The following SYNE1 variants were observed in gnomAD, a reference collection of about 807,000 sequenced individuals.
SYNE1 encodes the protein nesprin-1.
SYNE1 carries 616 observed loss-of-function variants against 1,111.0 expected under a neutral mutation model. The observed-to-expected ratio is 0.55, with a 90% confidence interval of 0.52 to 0.59. The LOEUF (loss-of-function observed/expected upper bound fraction) is 0.59. SYNE1 is among the 20% of genes least tolerant of loss of function. The pLI is 0.00. For synonymous variants in SYNE1, 3,855 were observed against 3,825.8 expected, an observed-to-expected ratio of 1.01 and a Z score of -0.28; for missense variants, 10,006 against 10,417.0, an observed-to-expected ratio of 0.96 and a Z score of 1.72.
intron 142 of SYNE1, chr6:152,133,804 T>G (rs1195738033): frequency 3.0e-6 from 1 of 337,624 alleles, no homozygotes; most frequent in Admixed American, 4.5e-5. Flanking sequence ...GCAAGTGAGA[T>G]GTAAGATAAT....
At chr6:152,247,758 C>CAT (rs2087734261) in intron 105 of SYNE1, among the ~76,000 whole-genome samples, 1 of 138,050 alleles carries the variant, frequency 7.2e-6, no homozygotes, top group Admixed American at 7.1e-5. Flanking sequence ...TATACACACA[C>CAT]ACACACACAC....
At chr6:152,351,809 T>G (rs1340998888) in intron 70 of SYNE1, among the ~76,000 whole-genome samples, 3 of 152,190 alleles carry the variant, frequency 2.0e-5, no homozygotes, top group Non-Finnish European at 2.9e-5. Context: ...TGATACAATC[T>G]TTGAGTATCA....
At chr6:152,399,884 T>C in intron 47 of SYNE1, 61 bp from the exon 48 acceptor site, 1 of 1,533,690 alleles carries the variant, frequency 6.5e-7, no homozygotes, top group Non-Finnish European at 9.0e-7. Context: ...CTCCATTTAC[T>C]TCACTATGGT....
At chr6:152,338,552 T>C (rs980267078) in intron 75 of SYNE1, among the ~76,000 whole-genome samples, 1 of 151,940 alleles carries the variant, frequency 6.6e-6, no homozygotes, top group African/African-American at 2.4e-5. Flanking sequence ...GCCCAGGAGG[T>C]TGAGGCTTCA....
intron 4 of SYNE1, among the ~76,000 whole-genome samples, chr6:152,527,938 C>T (rs1318528693): frequency 6.6e-6 from 1 of 152,150 alleles, no homozygotes; most frequent in Non-Finnish European, 1.5e-5. Context: ...AGGTGCTTTC[C>T]TTTTCCCTCC....
At chr6:152,518,463 G>GGCCATGTGACGTCCCTGCTCCC (rs1183040691) in intron 6 of SYNE1, among the ~76,000 whole-genome samples, 2 of 151,844 alleles carry the variant, frequency 1.3e-5, no homozygotes, top group African/African-American at 4.8e-5. Flanking sequence ...CTCCTGCTCT[G>GGCCATGTGACGTCCCTGCTCCC]GCCATGTGAC....
chr6:152,135,223 C>T lies in SYNE1; in HGVS notation c.25669G>A (p.Glu8557Lys), dbSNP rs1224270823. Reference sequence around the variant, plus strand: ...ATAAGAAGCAAACCATGGCTCATTTCATGGAAACCCTACAGAAAACAGTTT... The same window carrying T: ...ATAAGAAGCAAACCATGGCTCATTTTATGGAAACCCTACAGAAAACAGTTT... The part of the protein sequence containing the change: ...DALMQCQGFH[E>K]MSHGLLLMLE... Residue 8557 changes from glutamate to lysine, a missense_variant, in exon 142 of 146, where the codon GAA (glutamate) becomes AAA (lysine). Physicochemically the swap from Glu to Lys is moderately conservative, Grantham distance 56. Coordinates refer to ENST00000367255, the MANE Select transcript of SYNE1 (RefSeq NM_182961.4). 6.2e-7 allele frequency: 1 copy of T among 1,613,960 alleles called. No individual in the cohort carries two copies.
At chr6:152,533,931 G>A (rs890550981) in intron 4 of SYNE1, among the ~76,000 whole-genome samples, 6 of 152,084 alleles carry the variant, frequency 3.9e-5, no homozygotes, top group African/African-American at 9.7e-5. Context: ...GGCTGAGGTT[G>A]GTGAATTATT....
intron 137 of SYNE1, chr6:152,144,101 C>A: frequency 2.6e-6 from 1 of 378,430 alleles, no homozygotes; most frequent in Non-Finnish European, 5.1e-6. Flanking sequence ...TAAAAATCTG[C>A]AATGGTGTCT....
intron 4 of SYNE1, among the ~76,000 whole-genome samples, chr6:152,533,752 G>A (rs768304841): frequency 1.1e-4 from 16 of 152,120 alleles, no homozygotes; most frequent in Non-Finnish European, 2.2e-4. Context: ...TTCATAATGA[G>A]ATGGTTATTT....
Position 152,425,637 on chromosome 6 carries a change from G to T in SYNE1, c.5101-90C>A, listed in dbSNP as rs376614777. The T allele has an allele frequency of 5.6e-5, 82 of 1,474,228 alleles. No homozygotes were observed. The South Asian group carries it at 7.5e-4, about 14-fold the overall frequency. The allele number at this position is 1,474,228 out of a possible 1,614,324, so 91.3% of individuals were successfully genotyped here. On this transcript the variant is annotated intron_variant, in intron 38 of 145. Coordinates refer to ENST00000367255, the MANE Select transcript of SYNE1 (RefSeq NM_182961.4). The stretch of plus-strand genomic sequence containing the variant: ...CAGGCGGCTGTTGTCCAAAGGATTC[G>T]CATTCTTGCAAAATGCAAGTCATTC...
At chr6:152,541,747 C>CAAAAAAAAA (rs1267855271) in intron 3 of SYNE1, among the ~76,000 whole-genome samples, 3 of 60,286 alleles carry the variant, frequency 5.0e-5, no homozygotes, top group Non-Finnish European at 8.4e-5. Flanking sequence ...GACTCCATCT[C>CAAAAAAAAA]AAAAAAAAAA....
At chr6:152,232,324 C>G in intron 112 of SYNE1, 59 bp from the exon 113 acceptor site, 1 of 1,571,772 alleles carries the variant, frequency 6.4e-7, no homozygotes, top group South Asian at 1.1e-5. Flanking sequence ...CCAACTTCTG[C>G]TAACTTAAAA....
chr6:152,273,149 C>A (rs1223661812), intron 98 of SYNE1, among the ~76,000 whole-genome samples: 1 of 152,202 alleles, frequency 6.6e-6, no homozygotes, highest in Admixed American at 6.5e-5. Flanking sequence ...TTACACTTCA[C>A]CCAATGTGGG....
chr6:152,321,145 G>A (rs2095861110), intron 84 of SYNE1, 93 bp downstream of exon 84: 2 of 1,433,774 alleles, frequency 1.4e-6, no homozygotes, highest in South Asian at 2.5e-5. Flanking sequence ...CTGTCTCCAA[G>A]AAGACATTAT....
chr6:152,173,836 T>G (rs2065774457), intron 130 of SYNE1, among the ~76,000 whole-genome samples: 1 of 152,236 alleles, frequency 6.6e-6, no homozygotes, highest in Admixed American at 6.5e-5. Context: ...GTGACTATAG[T>G]GAGAAGCATG....
intron 3 of SYNE1, among the ~76,000 whole-genome samples, chr6:152,561,278 T>C (rs1355171718): frequency 6.6e-6 from 1 of 151,884 alleles, no homozygotes; most frequent in African/African-American, 2.4e-5. Flanking sequence ...CAATGAACTA[T>C]CCAAAAAGAC....
intron 3 of SYNE1, among the ~76,000 whole-genome samples, chr6:152,597,604 A>G (rs1260153593): frequency 6.6e-6 from 1 of 152,198 alleles, no homozygotes; most frequent in East Asian, 1.9e-4. Flanking sequence ...CAGCAGCCAG[A>G]TATCTGCTGT....
chr6:152,438,649 A>G (rs1371029255), intron 32 of SYNE1, among the ~76,000 whole-genome samples: 1 of 152,160 alleles, frequency 6.6e-6, no homozygotes, highest in Non-Finnish European at 1.5e-5. Context: ...CTTCATCACT[A>G]AAGCCATATC....
Sources: allele counts gnomAD v4.1 joint callset (sites outside exome capture counted in the v4.1 genomes callset), GRCh38; gene constraint gnomAD v4.1.1; transcripts MANE v1.5; gene names NCBI Gene and HGNC (gene_info 2026-07-23, HGNC 2026-07-21).